RBFOX1: variants seen among roughly 807,000 people sequenced by gnomAD.
The protein encoded by RBFOX1 is RNA binding fox-1 homolog 1, also known as RNA binding protein fox-1 homolog 1.
Under a neutral mutation model 57.7 loss-of-function variants are expected in RBFOX1, and 8 were observed. That is an observed-to-expected ratio of 0.14 (90% confidence interval 0.08 to 0.25). The LOEUF (loss-of-function observed/expected upper bound fraction) is 0.25. RBFOX1 is among the 10% of genes least tolerant of loss of function. The pLI is 1.00. For synonymous variants in RBFOX1, 326 were observed against 222.4 expected, an observed-to-expected ratio of 1.47 and a Z score of -4.15; for missense variants, 611 against 548.5, an observed-to-expected ratio of 1.11 and a Z score of -1.14.
At chr16:6,012,050 C>T (rs988773242) in intron 4 of RBFOX1, among the ~76,000 whole-genome samples, 32 of 152,210 alleles carry the variant, frequency 2.1e-4, no homozygotes, top group African/African-American at 7.5e-4. Context: ...TACCCTGTGC[C>T]AGGCACAACG....
chr16:6,484,876 A>G (rs1171411161), intron 2 of RBFOX1, among the ~76,000 whole-genome samples: 3 of 152,242 alleles, frequency 2.0e-5, no homozygotes, highest in Non-Finnish European at 1.5e-5. Flanking sequence ...TTGGTTACAC[A>G]GAAATGAATG....
At chr16:5,322,654 A>G (rs182932496) in intron 1 of RBFOX1, among the ~76,000 whole-genome samples, 11 of 152,210 alleles carry the variant, frequency 7.2e-5, no homozygotes, top group Admixed American at 1.3e-4. Flanking sequence ...CCATCCTTCA[A>G]GGGTCAGCTC....
intron 1 of RBFOX1, among the ~76,000 whole-genome samples, chr16:6,150,296 CT>C (rs1419289845): frequency 6.6e-6 from 1 of 152,048 alleles, no homozygotes; most frequent in Non-Finnish European, 1.5e-5. Context: ...ATTGTTATGA[CT>C]TTTACCCAGA....
At chr16:7,362,556 A>G (rs916282226) in intron 4 of RBFOX1, among the ~76,000 whole-genome samples, 2 of 149,166 alleles carry the variant, frequency 1.3e-5, no homozygotes, top group East Asian at 2.0e-4. Context: ...TAGTGTGTGG[A>G]TGTTTTGTTT....
intron 3 of RBFOX1, among the ~76,000 whole-genome samples, chr16:6,842,272 C>G (rs1017063561): frequency 2.6e-5 from 4 of 151,936 alleles, no homozygotes; most frequent in African/African-American, 7.2e-5. Context: ...ATATATTTTT[C>G]TGTAAGGAAA....
intron 3 of RBFOX1, among the ~76,000 whole-genome samples, chr16:5,821,813 G>A (rs1309145060): frequency 6.6e-6 from 1 of 152,108 alleles, no homozygotes; most frequent in Admixed American, 6.5e-5. Flanking sequence ...ATGGTCTCTT[G>A]CTGCTGCATC....
At chr16:5,951,982 C>T (rs1351437408) in intron 4 of RBFOX1, among the ~76,000 whole-genome samples, 5 of 150,688 alleles carry the variant, frequency 3.3e-5, no homozygotes, top group South Asian at 4.2e-4. Flanking sequence ...TTGGGGGCCT[C>T]GCATATATAT....
At chr16:6,993,015 T>G (rs570221869) in intron 3 of RBFOX1, among the ~76,000 whole-genome samples, 1 of 152,280 alleles carries the variant, frequency 6.6e-6, no homozygotes, top group South Asian at 2.1e-4. Flanking sequence ...ATAGTTCTTG[T>G]CTGAATTTCT....
At chr16:6,807,721 C>T (rs543895023) in intron 3 of RBFOX1, among the ~76,000 whole-genome samples, 1 of 151,976 alleles carries the variant, frequency 6.6e-6, no homozygotes, top group Non-Finnish European at 1.5e-5. Context: ...GAGGCTAAGG[C>T]AGAAGAATCA....
chr16:6,148,095 G>A (rs756179889), intron 1 of RBFOX1, among the ~76,000 whole-genome samples: 37 of 152,158 alleles, frequency 2.4e-4, no homozygotes, highest in African/African-American at 8.2e-4. Flanking sequence ...TCGGGAGGCC[G>A]AGGCGGGTGG....
intron 2 of RBFOX1, among the ~76,000 whole-genome samples, chr16:6,551,396 A>T (rs914994262): frequency 9.8e-5 from 15 of 152,302 alleles, no homozygotes; most frequent in Non-Finnish European, 2.1e-4. Context: ...TGCCTGTAAA[A>T]TGGGAATAAA....
intron 1 of RBFOX1, among the ~76,000 whole-genome samples, chr16:6,258,736 G>T (rs2097683974): frequency 6.6e-6 from 1 of 152,108 alleles, no homozygotes; most frequent in Admixed American, 6.5e-5. Flanking sequence ...TTCCATTGTA[G>T]ATTTAAAAAT....
At chr16:6,809,884 A>G (rs2087986832) in intron 3 of RBFOX1, among the ~76,000 whole-genome samples, 1 of 152,056 alleles carries the variant, frequency 6.6e-6, no homozygotes, top group Admixed American at 6.5e-5. Context: ...AAGTTATGAA[A>G]TTGGAGAGAG....
intron 3 of RBFOX1, among the ~76,000 whole-genome samples, chr16:5,619,066 C>A (rs185867580): frequency 1.7e-4 from 26 of 152,346 alleles, no homozygotes; most frequent in Middle Eastern, 3.4e-3. Context: ...CTAGTCTATT[C>A]ACAGTCACCG....
At chr16:7,409,443 C>T (rs780362736) in intron 4 of RBFOX1, among the ~76,000 whole-genome samples, 4 of 152,172 alleles carry the variant, frequency 2.6e-5, no homozygotes, top group Admixed American at 2.0e-4. Flanking sequence ...TTTCTTTCCC[C>T]GTCCCCATTG....
intron 3 of RBFOX1, among the ~76,000 whole-genome samples, chr16:6,766,075 CTA>C (rs2077283825): frequency 6.6e-6 from 1 of 151,984 alleles, no homozygotes; most frequent in Non-Finnish European, 1.5e-5. Context: ...GATTTCAACA[CTA>C]TGCAATTCAT....
intron 2 of RBFOX1, among the ~76,000 whole-genome samples, chr16:6,366,490 G>A (rs2089642128): frequency 6.6e-6 from 1 of 152,140 alleles, no homozygotes; most frequent in South Asian, 2.1e-4. Flanking sequence ...ATATAAGGAG[G>A]TAAGAATGGA....
At chr16:6,728,040 A>G (rs2067652936) in intron 3 of RBFOX1, among the ~76,000 whole-genome samples, 1 of 152,230 alleles carries the variant, frequency 6.6e-6, no homozygotes, top group Non-Finnish European at 1.5e-5. Flanking sequence ...GTTTGTTTTG[A>G]GATCTAAGTA....
At chr16:6,242,307 A>T (rs969598673) in intron 1 of RBFOX1, among the ~76,000 whole-genome samples, 1 of 152,276 alleles carries the variant, frequency 6.6e-6, no homozygotes, top group Middle Eastern at 3.4e-3. Flanking sequence ...TCAAATATCT[A>T]TCATGATCTT....
Sources: allele counts gnomAD v4.1 joint callset (sites outside exome capture counted in the v4.1 genomes callset), GRCh38; gene constraint gnomAD v4.1.1; transcripts MANE v1.5; gene names NCBI Gene and HGNC (gene_info 2026-07-23, HGNC 2026-07-21).